IL1F10: variants seen among roughly 807,000 people sequenced by gnomAD.
IL1F10 encodes the protein interleukin 1 family member 10.
In IL1F10, 13 loss-of-function variants were observed where a neutral mutation model predicts 13.1. The observed-to-expected ratio is 0.99, with a 90% confidence interval of 0.64 to 1.57. The LOEUF is 1.57. Among genes scored for constraint, IL1F10 ranks in the 40% most tolerant of loss-of-function variants. The probability of loss-of-function intolerance (pLI) is 0.00; values close to 1 mark genes in which losing one functional copy is unlikely to be tolerated. For missense variants in IL1F10, 191 were observed against 184.1 expected (o/e 1.04, Z -0.22); for synonymous variants, 78 against 68.2 (o/e 1.14, Z -0.71).
chr2:113,074,506 GC>G (rs1193323180), intron 3 of IL1F10, 92 bp downstream of exon 3: 2 of 1,160,344 alleles, frequency 1.7e-6, no homozygotes, highest in East Asian at 4.7e-5. Flanking sequence ...GTCAGCAGCT[GC>G]CCCCAGTGAC....
intron 1 of IL1F10, among the ~76,000 whole-genome samples, chr2:113,070,857 C>T (rs28928282): frequency 0.091 from 13,823 of 152,160 alleles, 619 homozygotes; most frequent in Admixed American, 0.13. Context: ...TGAAAGTACA[C>T]CAGTTCCCAA....
chr2:113,075,465 T>A lies in IL1F10; in HGVS notation c.*101T>A. 3.6e-6 allele frequency: 3 copies of A among 829,324 alleles called. No homozygotes were observed. The South Asian group carries it at 5.8e-5, about 16-fold the overall frequency. The allele number at this position is 829,324 out of a possible 1,614,324, so 51.4% of individuals were successfully genotyped here. On this transcript the variant is annotated 3_prime_UTR_variant, in exon 5 of 5. Coordinates refer to ENST00000341010, the MANE Select transcript of IL1F10 (RefSeq NM_173161.3). Reference sequence around the variant, plus strand: ...TAATGTCCCCCGAAATATGTCCACATCCTAATCCCAAGATCTGTGCATATG... The same window carrying A: ...TAATGTCCCCCGAAATATGTCCACAACCTAATCCCAAGATCTGTGCATATG...
In IL1F10 at chr2:113,075,832, T is replaced by A. The variant is rs1217580216; in HGVS notation, c.*468T>A. 6.6e-6 allele frequency: 1 copy of A among 152,440 alleles called. No individual in the cohort carries two copies. The highest frequency in any genetic ancestry group is 2.4e-5 in the African/African-American group (1 of 41,470). 9.4% of individuals were successfully genotyped at this position (152,440 alleles called of 1,614,324 possible). On this transcript the variant is annotated 3_prime_UTR_variant, in exon 5 of 5. Transcript: ENST00000341010. ...CCACAACTATAAAATAATAAACTTG[T>A]GTTATTGTAAACCTCTAAGTTTGTG...
chr2:113,072,758 C>A lies in IL1F10; in HGVS notation c.20C>A (p.Ala7Glu), dbSNP rs1685861370. 1.1e-5 allele frequency: 17 copies of A among 1,613,274 alleles called. No individual in the cohort carries two copies. Among genetic ancestry groups the A allele is most frequent in the Non-Finnish European group, 1.4e-5 (17 of 1,179,572 alleles). MCSLPMARYYIIKYADQ... is the reference protein window; with the variant it reads MCSLPMERYYIIKYADQ... ...GCAGGAATGTGTTCCCTCCCCATGG[C>A]AAGATACTACATGTAAGTTGTCCTG... The change falls in exon 2 of 5, where the codon GCA becomes GAA. Residue 7 changes from alanine (A) to glutamate (E), a missense_variant. Coordinates refer to ENST00000341010, the MANE Select transcript of IL1F10 (RefSeq NM_173161.3).
chr2:113,072,597 G>T, intron 1 of IL1F10, 114 bp from the exon 2 acceptor site: 1 of 664,534 alleles, frequency 1.5e-6, no homozygotes, highest in Non-Finnish European at 2.6e-6. Context: ...AATTATAGAC[G>T]AATGGCCTGG....
intron 1 of IL1F10, 87 bp from the exon 2 acceptor site, chr2:113,072,624 T>A (rs3811051): frequency 5.1e-5 from 44 of 862,606 alleles, no homozygotes; most frequent in East Asian, 3.2e-4. Flanking sequence ...CGTGCAGCCC[T>A]TGGCTGAGTG....
rs1685919115 is a variant in IL1F10 at position 113,075,268 on chromosome 2, C to A, written c.363C>A (p.Phe121Leu). The part of the protein sequence containing the change: ...RLEAAAWPGW[F>L]LCGPAEPQQP... The stretch of plus-strand genomic sequence containing the variant: ...AGGCTGCTGCCTGGCCTGGCTGGTT[C>A]CTGTGTGGCCCGGCAGAGCCCCAGC... Residue 121 changes from phenylalanine to leucine, a missense_variant, in exon 5 of 5, where the codon TTC (phenylalanine) becomes TTA (leucine). Transcript: ENST00000341010. 1 of 1,612,898 alleles carries A rather than the reference C, an allele frequency of 6.2e-7. No individual in the cohort carries two copies.
chr2:113,073,992 G>A (rs866418468), intron 2 of IL1F10, among the ~76,000 whole-genome samples: 40 of 152,288 alleles, frequency 2.6e-4, no homozygotes, highest in African/African-American at 9.6e-4. Flanking sequence ...AAAGTCATCT[G>A]AGCCTCACTA....
rs995536136 is a variant in IL1F10, at chr2:113,074,944, C to G, written c.246+94C>G. The stretch of plus-strand genomic sequence containing the variant: ...TTTGTGCCTATCTGTGGATTCCCAG[C>G]CAGGTCCACATGTCCTACTTCCTCA... On this transcript the variant is annotated intron_variant, in intron 4 of 4. Transcript: ENST00000341010. 5 of 1,473,716 alleles carry G rather than the reference C, an allele frequency of 3.4e-6. No individual in the cohort carries two copies. The African/African-American group carries it at 5.6e-5, about 16-fold the overall frequency. The allele number at this position is 1,473,716 out of a possible 1,614,324, so 91.3% of individuals were successfully genotyped here. A position where few individuals can be genotyped will look rare whatever the true frequency, so the allele number is the denominator to read the frequency against.
chr2:113,074,368 T>A lies in IL1F10; in HGVS notation c.72T>A (p.Asp24Glu), dbSNP rs3811058. The change falls in exon 3 of 5, where the codon GAT (aspartate) becomes GAA (glutamate). Residue 24 changes from aspartate to glutamate, a missense_variant. Physicochemically the swap from Asp to Glu is conservative, Grantham distance 45. Transcript: ENST00000341010. ...ACCAGAAGGCTCTATACACAAGAGA[T>A]GGCCAGCTGCTGGTGGGAGATCCTG... ...YADQKALYTR[D>E]GQLLVGDPVA... 1 of 1,613,782 alleles carries A rather than the reference T, an allele frequency of 6.2e-7. No individual in the cohort carries two copies. Among genetic ancestry groups the A allele is most frequent in the South Asian group, 1.1e-5 (1 of 91,050 alleles).
chr2:113,074,681 G>A (rs1469971319), intron 3 of IL1F10, 42 bp from the exon 4 acceptor site: 1 of 1,611,536 alleles, frequency 6.2e-7, no homozygotes, highest in African/African-American at 1.3e-5. Flanking sequence ...CTGCAACATG[G>A]GGTTCCCTTG....
intron 3 of IL1F10, 58 bp downstream of exon 3, chr2:113,074,472 C>A: frequency 1.5e-6 from 2 of 1,357,252 alleles, no homozygotes; most frequent in East Asian, 2.3e-5. Context: ...CCCTTCTCTT[C>A]TTCCCTTTCC....
At chr2:113,072,656 G>A (rs371838423) in intron 1 of IL1F10, 55 bp from the exon 2 acceptor site, 19 of 1,249,786 alleles carry the variant, frequency 1.5e-5, no homozygotes, top group Non-Finnish European at 1.9e-5. Context: ...CAGCACGTCT[G>A]CCTCTGGCTT....
At chr2:113,072,080 T>C (rs1445675330) in intron 1 of IL1F10, among the ~76,000 whole-genome samples, 1 of 152,214 alleles carries the variant, frequency 6.6e-6, no homozygotes, top group Non-Finnish European at 1.5e-5. Flanking sequence ...CTATCTTCAC[T>C]GTGCCATTTT....
chr2:113,074,758 C>T lies in IL1F10; in HGVS notation c.154C>T (p.Arg52Cys), dbSNP rs771331743. ...ICILPNRGLA[R>C]TKVPIFLGIQ... is the part of the protein sequence containing the mutation. ...CATACTTCCTAACAGAGGCTTGGCCCGCACCAAGGTCCCCATTTTCCTGGG... is the reference window on the plus strand; with the variant it reads ...CATACTTCCTAACAGAGGCTTGGCCTGCACCAAGGTCCCCATTTTCCTGGG... The change falls in exon 4 of 5, where the codon CGC becomes TGC. Residue 52 changes from arginine (R) to cysteine (C), a missense_variant. Arg to Cys is a radical substitution (Grantham distance 180). Transcript: ENST00000341010. 9.4e-5 allele frequency: 152 copies of T among 1,613,678 alleles called. No homozygotes were observed. The highest frequency in any genetic ancestry group is 1.7e-4 in the Middle Eastern group (1 of 6,036).
chr2:113,074,995 T>A, intron 4 of IL1F10, 145 bp downstream of exon 4: 1 of 1,224,268 alleles, frequency 8.2e-7, no homozygotes, highest in South Asian at 1.4e-5. Context: ...CCTCTGCACC[T>A]AGCACCAAGA....
Position 113,075,250 on chromosome 2 carries a change from T to C in IL1F10, c.345T>C (p.Ala115=). 6.2e-7 allele frequency: 1 copy of C among 1,613,896 alleles called. No individual in the cohort carries two copies. The highest frequency in any genetic ancestry group is 8.5e-7 in the Non-Finnish European group (1 of 1,179,842). ...GCTCCGCCTTCAGGCTTGAGGCTGC[T>C]GCCTGGCCTGGCTGGTTCCTGTGTG... ...SSGSAFRLEA[A]AWPGWFLCGP... Residue 115 remains alanine (A), a synonymous_variant, in exon 5 of 5, where the codon GCT becomes GCC. Coordinates refer to ENST00000341010, the MANE Select transcript of IL1F10 (RefSeq NM_173161.3).
intron 1 of IL1F10, among the ~76,000 whole-genome samples, chr2:113,069,936 G>A (rs1685801281): frequency 6.6e-6 from 1 of 152,142 alleles, no homozygotes; most frequent in African/African-American, 2.4e-5. Flanking sequence ...GTTAATATTG[G>A]TCTTGGACAG....
At position 113,071,237 on chromosome 2, in the gene IL1F10, G is replaced by A. The variant is rs563832079; in HGVS notation, c.-28-1474G>A. The stretch of plus-strand genomic sequence containing the variant: ...CCTAATATATTTTGAAAATTTTTAT[G>A]TCCTAAAACAAGCTTCTATAATATC... On this transcript the variant is annotated intron_variant, in intron 1 of 4. Transcript: ENST00000341010. 3.3e-3 allele frequency among the ~76,000 whole-genome samples: 499 copies of A among 152,206 alleles called. 2 individuals carry two copies. Among genetic ancestry groups the A allele is most frequent in the Middle Eastern group, 6.8e-3 (2 of 294 alleles).
Sources: gnomAD v4.1 joint callset for allele counts (sites outside exome capture counted in the v4.1 genomes callset) on GRCh38, gnomAD v4.1.1 for gene constraint, MANE v1.5 for transcripts, NCBI Gene and HGNC (gene_info 2026-07-23, HGNC 2026-07-21) for gene names.